Variants in TEAD1 observed in about 807,000 individuals in gnomAD.
The protein encoded by TEAD1 is TEA domain transcription factor 1.
A neutral mutation model predicts 54.9 loss-of-function variants in TEAD1; 9 were observed. The ratio of observed to expected loss-of-function variants is 0.16; its 90% confidence interval spans 0.10 to 0.29. The LOEUF (loss-of-function observed/expected upper bound fraction) is 0.29. TEAD1 is among the 10% of genes least tolerant of loss of function. The pLI is 1.00. For synonymous variants in TEAD1, 200 were observed against 187.8 expected (o/e 1.07, Z -0.53); for missense variants, 387 against 535.9 (o/e 0.72, Z 2.74).
At chr11:12,682,456 T>G (rs572340508) in intron 2 of TEAD1, among the ~76,000 whole-genome samples, 1 of 152,180 alleles carries the variant, frequency 6.6e-6, no homozygotes, top group Non-Finnish European at 1.5e-5. Context: ...TGGCTGCTTA[T>G]AGAGGTTTTG....
chr11:12,684,101 T>G (rs1415136233), intron 2 of TEAD1, among the ~76,000 whole-genome samples: 1 of 152,112 alleles, frequency 6.6e-6, no homozygotes, highest in African/African-American at 2.4e-5. Flanking sequence ...GGCTGAGGCA[T>G]TTACTTAGAA....
rs957033279 is a variant in TEAD1, at chr11:12,944,594, C to CA, written c.*7373dup. The CA allele has an allele frequency of 5.9e-5, 9 of 152,596 alleles. No homozygotes were observed. The highest frequency in any genetic ancestry group is 5.2e-4 in the Admixed American group (8 of 15,290). 9.5% of individuals were successfully genotyped at this position (152,596 alleles called of 1,614,324 possible). A position where few individuals can be genotyped will look rare whatever the true frequency, so the allele number is the denominator to read the frequency against. On this transcript the variant is annotated 3_prime_UTR_variant, in exon 13 of 13. Coordinates refer to ENST00000527636, the MANE Select transcript of TEAD1 (RefSeq NM_021961.6). ...CACTCTAAAAATGCTATTTTTGTGT[C>CA]AGTTCCTGCAGGTGTTTTCATGTCT... is the stretch of plus-strand genomic sequence containing the variant.
intron 11 of TEAD1, among the ~76,000 whole-genome samples, chr11:12,929,486 A>G (rs1035732991): frequency 3.3e-5 from 5 of 151,038 alleles, no homozygotes; most frequent in African/African-American, 9.7e-5. Flanking sequence ...ACCTTTAATG[A>G]TGAAGACATA....
chr11:12,766,792 G>A (rs1215236643), intron 3 of TEAD1, among the ~76,000 whole-genome samples: 2 of 152,184 alleles, frequency 1.3e-5, no homozygotes, highest in East Asian at 1.9e-4. Context: ...TGAGCAAGCA[G>A]CATTAGGAAT....
intron 5 of TEAD1, among the ~76,000 whole-genome samples, chr11:12,876,853 C>T (rs894602338): frequency 2.0e-5 from 3 of 152,120 alleles, no homozygotes; most frequent in Admixed American, 2.0e-4. Flanking sequence ...TGACTAGGGC[C>T]ATGGTTTCTG....
intron 3 of TEAD1, among the ~76,000 whole-genome samples, chr11:12,807,938 C>T (rs1019509549): frequency 3.3e-5 from 5 of 152,158 alleles, no homozygotes; most frequent in African/African-American, 1.2e-4. Flanking sequence ...CTAAGTAGCC[C>T]GAGTCCTAGA....
chr11:12,898,263 C>T (rs1948351575), intron 9 of TEAD1, among the ~76,000 whole-genome samples: 1 of 152,022 alleles, frequency 6.6e-6, no homozygotes, highest in Admixed American at 6.6e-5. Flanking sequence ...GCTTGTGTTT[C>T]TTTTTTCTTT....
At chr11:12,754,243 T>C (rs1944938804) in intron 2 of TEAD1, among the ~76,000 whole-genome samples, 1 of 152,250 alleles carries the variant, frequency 6.6e-6, no homozygotes, top group African/African-American at 2.4e-5. Context: ...ATTTGTTGTT[T>C]TATGTTGTCT....
At chr11:12,742,839 C>T (rs959456016) in intron 2 of TEAD1, among the ~76,000 whole-genome samples, 1 of 152,088 alleles carries the variant, frequency 6.6e-6, no homozygotes, top group Middle Eastern at 3.2e-3. Context: ...AAACTTTTGC[C>T]ATCTATTAGA....
At chr11:12,736,187 C>T (rs1290225716) in intron 2 of TEAD1, among the ~76,000 whole-genome samples, 1 of 152,174 alleles carries the variant, frequency 6.6e-6, no homozygotes, top group Admixed American at 6.5e-5. Flanking sequence ...CCTGAAATTC[C>T]AAATGGGTCC....
chr11:12,924,879 G>A (rs765628449), intron 10 of TEAD1, 33 bp from the exon 11 acceptor site: 2 of 1,614,016 alleles, frequency 1.2e-6, no homozygotes, highest in East Asian at 2.2e-5. Flanking sequence ...TGGGATGAGA[G>A]AATAACCCAC....
At chr11:12,719,801 C>CT (rs1944145680) in intron 2 of TEAD1, among the ~76,000 whole-genome samples, 1 of 151,830 alleles carries the variant, frequency 6.6e-6, no homozygotes, top group African/African-American at 2.4e-5. Context: ...TAAAAAAACT[C>CT]TGACTTGAAA....
chr11:12,812,940 A>G (rs1233389412), intron 3 of TEAD1, among the ~76,000 whole-genome samples: 1 of 152,246 alleles, frequency 6.6e-6, no homozygotes, highest in Non-Finnish European at 1.5e-5. Flanking sequence ...ATGTGGTAGC[A>G]GCCTCCTGGC....
chr11:12,882,979 A>C, intron 8 of TEAD1, 22 bp from the exon 9 acceptor site: 1 of 1,614,102 alleles, frequency 6.2e-7, no homozygotes, highest in Non-Finnish European at 8.5e-7. Flanking sequence ...ACCAGCATCA[A>C]AGGTGACGAT....
At chr11:12,699,013 G>C (rs4454698) in intron 2 of TEAD1, among the ~76,000 whole-genome samples, 37 of 152,026 alleles carry the variant, frequency 2.4e-4, no homozygotes, top group African/African-American at 8.7e-4. Context: ...TGCCTATTCA[G>C]AAATTACTGG....
At chr11:12,747,302 T>G (rs1316511093) in intron 2 of TEAD1, among the ~76,000 whole-genome samples, 7 of 152,104 alleles carry the variant, frequency 4.6e-5, no homozygotes, top group African/African-American at 1.7e-4. Flanking sequence ...ATATTAGCAG[T>G]AATTATTATT....
chr11:12,760,440 C>T (rs1945077097), intron 2 of TEAD1, among the ~76,000 whole-genome samples: 1 of 152,132 alleles, frequency 6.6e-6, no homozygotes, highest in Admixed American at 6.5e-5. Flanking sequence ...GGTTTGAAAC[C>T]CACATCTGTT....
chr11:12,883,224 T>C, intron 9 of TEAD1, 99 bp downstream of exon 9: 5 of 1,572,220 alleles, frequency 3.2e-6, no homozygotes, highest in Non-Finnish European at 3.5e-6. Context: ...CCCCGCCCCA[T>C]GCCTGACAAA....
At chr11:12,854,843 G>A (rs1947341290) in intron 3 of TEAD1, among the ~76,000 whole-genome samples, 1 of 149,496 alleles carries the variant, frequency 6.7e-6, no homozygotes, top group Non-Finnish European at 1.5e-5. Context: ...TTATCCTCCT[G>A]CCTCAGCCTC....
Sources: gnomAD v4.1 joint callset for allele counts (sites outside exome capture counted in the v4.1 genomes callset) on GRCh38, gnomAD v4.1.1 for gene constraint, MANE v1.5 for transcripts, NCBI Gene and HGNC (gene_info 2026-07-23, HGNC 2026-07-21) for gene names.